Variants in TTLL5 observed in about 807,000 individuals in gnomAD.
TTLL5 encodes tubulin polyglutamylase TTLL5.
Under a neutral mutation model 168.4 loss-of-function variants are expected in TTLL5, and 132 were observed. That is an observed-to-expected ratio of 0.78 (90% CI 0.68 to 0.91). The LOEUF (loss-of-function observed/expected upper bound fraction) is 0.91, where lower values mean the gene tolerates loss of function less well. Among genes scored for constraint, TTLL5 ranks in the 40% least tolerant of loss-of-function variants. The pLI, the probability that TTLL5 is intolerant of heterozygous loss-of-function variation, is 0.00. For synonymous variants in TTLL5, 546 were observed against 558.6 expected, an observed-to-expected ratio of 0.98 and a Z score of 0.32; for missense variants, 1,545 against 1,581.5, an observed-to-expected ratio of 0.98 and a Z score of 0.39.
chr14:75,671,020 G>A (rs548208142), intron 3 of TTLL5, among the ~76,000 whole-genome samples: 1 of 152,082 alleles, frequency 6.6e-6, no homozygotes, highest in South Asian at 2.1e-4. Flanking sequence ...AGAGTTTTAT[G>A]GTTTAAGCTC....
At chr14:75,898,664 A>C (rs1265072585) in intron 30 of TTLL5, among the ~76,000 whole-genome samples, 1 of 152,210 alleles carries the variant, frequency 6.6e-6, no homozygotes, top group African/African-American at 2.4e-5. Context: ...ATAAAAATAC[A>C]TAGTTTATAC....
Position 75,813,194 on chromosome 14 carries a change from C to CTGTGTGTGTGTGTGTG in TTLL5, c.3172-6797_3172-6782dup, listed in dbSNP as rs61154954. On this transcript the variant is annotated intron_variant, in intron 27 of 31. Coordinates refer to ENST00000298832, the MANE Select transcript of TTLL5 (RefSeq NM_015072.5). ...TGCTTAGCATGTTGCCTGGAACAAG[C>CTGTGTGTGTGTGTGTG]TGTGTGTGTGTGTGTGTGTGTGTGT... Among the ~76,000 whole-genome samples the CTGTGTGTGTGTGTGTG allele has an allele frequency of 1.2e-4, 17 of 142,526 alleles. No homozygotes were observed. The East Asian group carries it at 1.6e-3, about 14-fold the overall frequency. 93.5% of individuals were successfully genotyped at this position (142,526 alleles called of 152,430 possible). A position where few individuals can be genotyped will look rare whatever the true frequency, so the allele number is the denominator to read the frequency against.
chr14:75,943,160 A>G (rs2034664762), intron 31 of TTLL5, among the ~76,000 whole-genome samples: 3 of 152,100 alleles, frequency 2.0e-5, no homozygotes, highest in South Asian at 2.1e-4. Context: ...ATGCAGTAAC[A>G]TCGTTGTTCT....
chr14:75,851,169 T>G (rs1263882056), intron 28 of TTLL5, among the ~76,000 whole-genome samples: 3 of 151,694 alleles, frequency 2.0e-5, no homozygotes, highest in Non-Finnish European at 4.4e-5. Flanking sequence ...GGGAAAATGT[T>G]CATAACATTA....
At chr14:75,937,967 C>A (rs1350653863) in intron 31 of TTLL5, among the ~76,000 whole-genome samples, 2 of 152,158 alleles carry the variant, frequency 1.3e-5, no homozygotes, top group Admixed American at 1.3e-4. Flanking sequence ...ATTTTACACC[C>A]CCACCAGCCG....
chr14:75,884,422 T>A (rs557935283), intron 30 of TTLL5, among the ~76,000 whole-genome samples: 23 of 152,334 alleles, frequency 1.5e-4, no homozygotes, highest in African/African-American at 5.5e-4. Flanking sequence ...CTGAACTCAC[T>A]GCTGGCAGGA....
intron 15 of TTLL5, among the ~76,000 whole-genome samples, chr14:75,739,984 A>G (rs1444578817): frequency 6.6e-6 from 1 of 152,224 alleles, no homozygotes; most frequent in African/African-American, 2.4e-5. Flanking sequence ...ATGTTAATGA[A>G]GATTCTAAAT....
At chr14:75,802,839 A>AAAGCTGAACTAGCC (rs1468856588) in intron 27 of TTLL5, among the ~76,000 whole-genome samples, 8 of 152,234 alleles carry the variant, frequency 5.3e-5, no homozygotes, top group Non-Finnish European at 1.2e-4. Context: ...GAATGGGGAA[A>AAAGCTGAACTAGCC]AAGCTGAACT....
intron 31 of TTLL5, among the ~76,000 whole-genome samples, chr14:75,953,673 G>A (rs180796420): frequency 2.7e-4 from 41 of 152,242 alleles, no homozygotes; most frequent in Admixed American, 2.5e-3. Context: ...TTGGGATTGA[G>A]GGGTTGAGGA....
At chr14:75,733,851 C>A (rs1244133513) in intron 13 of TTLL5, 138 bp from the exon 14 acceptor site, 5 of 731,972 alleles carry the variant, frequency 6.8e-6, no homozygotes, top group Admixed American at 5.4e-5. Flanking sequence ...CCCCCACCGC[C>A]CCCGTGGATT....
At chr14:75,691,485 G>A (rs900703535) in intron 6 of TTLL5, among the ~76,000 whole-genome samples, 2 of 152,158 alleles carry the variant, frequency 1.3e-5, no homozygotes, top group African/African-American at 4.8e-5. Context: ...TAGATGAGGC[G>A]ACTAAGGTAC....
In TTLL5 at chr14:75,776,769, A is replaced by G. The variant is rs1891746385; in HGVS notation, c.2306A>G (p.Lys769Arg). 3 of 1,613,958 alleles carry G rather than the reference A, an allele frequency of 1.9e-6. No individual in the cohort carries two copies. The highest frequency in any genetic ancestry group is 2.5e-6 in the Non-Finnish European group (3 of 1,179,888). Residue 769 changes from lysine to arginine, a missense_variant, in exon 23 of 32, where the codon AAG (lysine) becomes AGG (arginine). Physicochemically the swap from Lys to Arg is conservative, Grantham distance 26 (BLOSUM62 2). Coordinates refer to ENST00000298832, the MANE Select transcript of TTLL5 (RefSeq NM_015072.5). Reference protein sequence around the residue: ...YNKETEQMAEKKSKKKVEEEE... With the variant: ...YNKETEQMAERKSKKKVEEEE... ...TAGGAAACAGAACAAATGGCTGAAA[A>G]GAAATCAAAGAAGAAAGTTGAGGAA...
chr14:75,822,733 C>T, intron 28 of TTLL5, among the ~76,000 whole-genome samples: 1 of 152,232 alleles, frequency 6.6e-6, no homozygotes, highest in Non-Finnish European at 1.5e-5. Flanking sequence ...TGTTCTCCCG[C>T]TGTTTTGACA....
chr14:75,840,540 A>G (rs947989099), intron 28 of TTLL5, among the ~76,000 whole-genome samples: 1 of 151,980 alleles, frequency 6.6e-6, no homozygotes, highest in Admixed American at 6.6e-5. Context: ...CTGTTGGTTT[A>G]TACAGGCCAG....
intron 28 of TTLL5, among the ~76,000 whole-genome samples, chr14:75,857,678 G>A (rs1055280413): frequency 1.3e-5 from 2 of 149,812 alleles, no homozygotes; most frequent in African/African-American, 4.9e-5. Flanking sequence ...GGAGACAAGA[G>A]TCTCACTCTG....
At chr14:75,791,038 G>A (rs533434639) in intron 26 of TTLL5, among the ~76,000 whole-genome samples, 80 of 144,590 alleles carry the variant, frequency 5.5e-4, no homozygotes, top group Middle Eastern at 7.2e-3. Flanking sequence ...CCTGGGAGGC[G>A]GAGCTTGCAG....
chr14:75,756,672 T>A (rs1048871539), intron 18 of TTLL5, among the ~76,000 whole-genome samples: 7 of 151,998 alleles, frequency 4.6e-5, no homozygotes, highest in African/African-American at 7.2e-5. Context: ...CACACCTGGC[T>A]AATTTTTGTA....
chr14:75,752,022 G>T (rs998887895), intron 17 of TTLL5, among the ~76,000 whole-genome samples: 1 of 152,136 alleles, frequency 6.6e-6, no homozygotes, highest in African/African-American at 2.4e-5. Flanking sequence ...CATTGCCATG[G>T]CATTTGTAAA....
chr14:75,863,536 C>G, intron 28 of TTLL5, 131 bp from the exon 29 acceptor site: 1 of 879,782 alleles, frequency 1.1e-6, no homozygotes, highest in Non-Finnish European at 1.7e-6. Flanking sequence ...GATAATATCA[C>G]ACAAGTAGAT....
Sources: gnomAD v4.1 joint callset for allele counts (sites outside exome capture counted in the v4.1 genomes callset) on GRCh38, gnomAD v4.1.1 for gene constraint, MANE v1.5 for transcripts, NCBI Gene and HGNC (gene_info 2026-07-23, HGNC 2026-07-21) for gene names.